The following IFT122 variants were observed in gnomAD, a reference collection of about 807,000 sequenced individuals.
IFT122 encodes intraflagellar transport protein 122 homolog.
A neutral mutation model predicts 161.6 loss-of-function variants in IFT122; 118 were observed. That is an observed-to-expected ratio of 0.73 (90% CI 0.63 to 0.85). The LOEUF is 0.85. Among genes scored for constraint, IFT122 ranks in the 40% least tolerant of loss-of-function variants. The pLI, the probability that IFT122 is intolerant of heterozygous loss-of-function variation, is 0.00. For missense variants in IFT122, 1,381 were observed against 1,579.6 expected (o/e 0.87, Z 2.13); for synonymous variants, 550 against 602.4 (o/e 0.91, Z 1.27).
At chr3:129,440,427 G>A (rs2072819409) in intron 1 of IFT122, 56 bp downstream of exon 1, 3 of 1,539,436 alleles carry the variant, frequency 1.9e-6, no homozygotes, top group Non-Finnish European at 8.8e-7. Context: ...CGGGGAGTGC[G>A]CGAGCCGCTG....
At chr3:129,460,798 A>G (rs2076132600) in intron 4 of IFT122, 5 of 1,438,076 alleles carry the variant, frequency 3.5e-6, no homozygotes, top group Non-Finnish European at 3.9e-6. Flanking sequence ...GACGCCTTGC[A>G]TGGTACATGA....
rs966504756 is a variant in IFT122, at chr3:129,495,513, A to C, written c.2114A>C (p.Lys705Thr). The C allele has an allele frequency of 1.9e-6, 3 of 1,614,094 alleles. No homozygotes were observed. The highest frequency in any genetic ancestry group is 2.5e-6 in the Non-Finnish European group (3 of 1,180,052). Residue 705 changes from lysine to threonine, a missense_variant, in exon 18 of 30, where the codon AAG (lysine) becomes ACG (threonine). By Grantham distance (78) the Lys-to-Thr change is moderately conservative (BLOSUM62 -1). Transcript: ENST00000348417. ...FLADVFSYQG[K>T]FHEAAKLYKR... Reference sequence around the variant, plus strand: ...GCAGATGTGTTTTCCTACCAGGGGAAGTTCCATGAGGCCGCCAAACTGTAC... The same window carrying C: ...GCAGATGTGTTTTCCTACCAGGGGACGTTCCATGAGGCCGCCAAACTGTAC...
intron 1 of IFT122, among the ~76,000 whole-genome samples, chr3:129,444,772 G>A (rs568916580): frequency 3.9e-5 from 6 of 152,106 alleles, no homozygotes; most frequent in Admixed American, 6.6e-5. Context: ...TGCCTGCCTC[G>A]GCCTCCCAAA....
At chr3:129,500,406 C>T (rs1388960434) in intron 19 of IFT122, among the ~76,000 whole-genome samples, 1 of 152,228 alleles carries the variant, frequency 6.6e-6, no homozygotes, top group African/African-American at 2.4e-5. Context: ...TCCTCGCCCA[C>T]CTTGCAGATG....
chr3:129,506,766 G>A (rs555872675), intron 22 of IFT122, among the ~76,000 whole-genome samples: 1 of 152,338 alleles, frequency 6.6e-6, no homozygotes, highest in East Asian at 1.9e-4. Flanking sequence ...ATGGTTGGCA[G>A]GTCCAGCCCT....
intron 19 of IFT122, among the ~76,000 whole-genome samples, chr3:129,500,788 T>C (rs2081433981): frequency 6.6e-6 from 1 of 152,134 alleles, no homozygotes; most frequent in Admixed American, 6.5e-5. Flanking sequence ...GGAAGTGGGC[T>C]GGCCACACTG....
intron 16 of IFT122, among the ~76,000 whole-genome samples, chr3:129,489,745 A>G (rs1435716726): frequency 6.6e-6 from 1 of 151,740 alleles, no homozygotes; most frequent in Non-Finnish European, 1.5e-5. Context: ...AGGCTGAGGC[A>G]GGAGAATGGC....
At chr3:129,489,733 G>A (rs542746653) in intron 16 of IFT122, among the ~76,000 whole-genome samples, 26 of 152,076 alleles carry the variant, frequency 1.7e-4, no homozygotes, top group Admixed American at 9.8e-4. Flanking sequence ...CAGCTACTCC[G>A]GAGGCTGAGG....
At chr3:129,506,653 T>C (rs1026262294) in intron 22 of IFT122, 104 bp downstream of exon 22, 4 of 1,465,614 alleles carry the variant, frequency 2.7e-6, no homozygotes, top group Non-Finnish European at 3.8e-6. Context: ...TGGGCTTGTT[T>C]ATTGGGTGTA....
rs2076523498 is a variant in IFT122, at chr3:129,464,624, T to C, written c.417-11T>C. ...CCCTATCCCCATGCCTTTTGTTGGT[T>C]GTGTACACAGCTGGACAAATGATGG... On this transcript the variant is annotated splice_polypyrimidine_tract_variant and intron_variant, in intron 6 of 29. Coordinates refer to ENST00000348417, the MANE Select transcript of IFT122 (RefSeq NM_052989.3). 6.2e-7 allele frequency: 1 copy of C among 1,614,002 alleles called. No homozygotes were observed. The highest frequency in any genetic ancestry group is 1.1e-5 in the South Asian group (1 of 91,076).
intron 22 of IFT122, 47 bp downstream of exon 22, chr3:129,506,596 A>G: frequency 6.2e-7 from 1 of 1,612,774 alleles, no homozygotes; most frequent in Admixed American, 1.7e-5. Flanking sequence ...CCCCACTCTG[A>G]CACCAAGATA....
At position 129,476,390 on chromosome 3, in the gene IFT122, G is replaced by A; in HGVS notation, c.892G>A (p.Gly298Arg). ...TACTAAAGGCGAGTACATTTTGCTG[G>A]GGGGTTCAGACAAGCAAGTATCTCT... ...YFTKGEYILL[G>R]GSDKQVSLFT... Residue 298 changes from glycine (G) to arginine (R), a missense_variant, in exon 10 of 30, where the codon GGG becomes AGG. Gly to Arg is a moderately radical substitution (Grantham distance 125). This residue lies in a region of IFT122 where 544 missense variants were observed against 648.0 expected (regional missense o/e 0.84). Transcript: ENST00000348417. 1 of 1,614,168 alleles carries A rather than the reference G, an allele frequency of 6.2e-7. No individual in the cohort carries two copies. Among genetic ancestry groups the A allele is most frequent in the South Asian group, 1.1e-5 (1 of 91,078 alleles).
At chr3:129,502,978 A>C in intron 20 of IFT122, 96 bp downstream of exon 20, 3 of 1,181,804 alleles carry the variant, frequency 2.5e-6, no homozygotes, top group Middle Eastern at 5.3e-4. Flanking sequence ...AGATGGAGAG[A>C]AGCTGCCCTC....
Position 129,500,050 on chromosome 3 carries a change from A to G in IFT122, c.2357A>G (p.Asp786Gly), listed in dbSNP as rs2081345801. 1.9e-6 allele frequency: 3 copies of G among 1,614,072 alleles called. No homozygotes were observed. The highest frequency in any genetic ancestry group is 2.2e-5 in the East Asian group (1 of 44,900). Residue 786 changes from aspartate to glycine, a missense_variant, in exon 19 of 30, where the codon GAC becomes GGC. Asp to Gly is a moderately conservative substitution (Grantham distance 94). This residue lies in a region of IFT122 where 496 missense variants were observed against 502.5 expected (regional missense o/e 0.99). Coordinates refer to ENST00000348417, the MANE Select transcript of IFT122 (RefSeq NM_052989.3). ...EHVKAIEICG[D>G]HGWVDMLIDI... The stretch of plus-strand genomic sequence containing the variant: ...GTCAAGGCCATCGAGATCTGTGGTG[A>G]CCATGGCTGGGTTGACATGTAGGTT...
chr3:129,467,519 C>T (rs1331395077), intron 8 of IFT122, among the ~76,000 whole-genome samples: 3 of 152,138 alleles, frequency 2.0e-5, no homozygotes, highest in African/African-American at 4.8e-5. Flanking sequence ...CCCCATCACT[C>T]GACACTTCCT....
At chr3:129,509,172 A>C (rs764703885) in intron 23 of IFT122, among the ~76,000 whole-genome samples, 4 of 152,234 alleles carry the variant, frequency 2.6e-5, no homozygotes, top group African/African-American at 7.2e-5. Flanking sequence ...TTGTTGTTGC[A>C]TAGAATAAGA....
chr3:129,477,348 G>C (rs531612042), intron 11 of IFT122, among the ~76,000 whole-genome samples: 2 of 152,364 alleles, frequency 1.3e-5, no homozygotes, highest in East Asian at 3.9e-4. Flanking sequence ...TTAAGTTGCT[G>C]TGCTGGTTAA....
At chr3:129,483,737 A>C in intron 15 of IFT122, 55 bp downstream of exon 15, 1 of 1,496,370 alleles carries the variant, frequency 6.7e-7, no homozygotes. Context: ...AAGACCAGGG[A>C]AGCTGGGCCC....
At chr3:129,464,451 G>C (rs1379538716) in intron 6 of IFT122, among the ~76,000 whole-genome samples, 184 bp from the exon 7 acceptor site, 1 of 152,254 alleles carries the variant, frequency 6.6e-6, no homozygotes, top group Admixed American at 6.5e-5. Flanking sequence ...GTTTATTACA[G>C]AACTAAATAG....
Sources: gnomAD v4.1 joint callset for allele counts (sites outside exome capture counted in the v4.1 genomes callset) on GRCh38, gnomAD v4.1.1 for gene constraint, gnomAD v4.1.1 regional missense constraint, MANE v1.5 for transcripts, NCBI Gene and HGNC (gene_info 2026-07-23, HGNC 2026-07-21) for gene names.